HORMAD2: variants seen among roughly 807,000 people sequenced by gnomAD.
The protein encoded by HORMAD2 is HORMA domain-containing protein 2.
In HORMAD2, 45 loss-of-function variants were observed where a neutral mutation model predicts 38.8. The observed-to-expected ratio is 1.16, with a 90% CI of 0.91 to 1.49. The LOEUF is 1.49. HORMAD2 is among the 40% of genes most tolerant of loss of function. The pLI is 0.00. For missense variants in HORMAD2, 338 were observed against 367.0 expected (o/e 0.92, Z 0.65); for synonymous variants, 126 against 122.8 (o/e 1.03, Z -0.17).
intron 2 of HORMAD2, among the ~76,000 whole-genome samples, chr22:30,098,316 C>A (rs1016212528): frequency 6.6e-6 from 1 of 151,700 alleles, no homozygotes; most frequent in African/African-American, 2.4e-5. Flanking sequence ...AAGAGTAGAA[C>A]AACTGGAAAA....
At chr22:30,164,016 C>T (rs1033708367) in intron 10 of HORMAD2, among the ~76,000 whole-genome samples, 1 of 152,136 alleles carries the variant, frequency 6.6e-6, no homozygotes, top group East Asian at 1.9e-4. Flanking sequence ...AATTTGACTA[C>T]TCTATATACC....
intron 5 of HORMAD2, 95 bp from the exon 6 acceptor site, chr22:30,111,701 C>A: frequency 9.7e-7 from 1 of 1,029,836 alleles, no homozygotes. Context: ...TCTTTCGAAC[C>A]TCTCTGAAAT....
intron 4 of HORMAD2, among the ~76,000 whole-genome samples, chr22:30,104,162 A>G (rs1921015305): frequency 6.6e-6 from 1 of 152,208 alleles, no homozygotes; most frequent in South Asian, 2.1e-4. Context: ...GTGTCAGTGT[A>G]CTAAACATGG....
At chr22:30,169,218 C>G (rs188370674) in intron 10 of HORMAD2, among the ~76,000 whole-genome samples, 1 of 152,240 alleles carries the variant, frequency 6.6e-6, no homozygotes, top group Admixed American at 6.5e-5. Context: ...CTGCTGTACC[C>G]TATATATGAC....
At chr22:30,125,205 C>CTTTTTTTTTTTTTTTTTT (rs1569099710) in intron 10 of HORMAD2, among the ~76,000 whole-genome samples, 1 of 69,470 alleles carries the variant, frequency 1.4e-5, no homozygotes, top group African/African-American at 5.9e-5. Flanking sequence ...TTTTCACTTT[C>CTTTTTTTTTTTTTTTTTT]TTTTTCTTTT....
intron 10 of HORMAD2, among the ~76,000 whole-genome samples, chr22:30,156,824 A>G (rs16988333): frequency 0.078 from 11,896 of 152,250 alleles, 542 homozygotes; most frequent in African/African-American, 0.093. Flanking sequence ...TTGTCATCAA[A>G]GAGACTAAAC....
chr22:30,104,538 A>G, intron 5 of HORMAD2, 101 bp downstream of exon 5: 1 of 939,378 alleles, frequency 1.1e-6, no homozygotes, highest in South Asian at 1.6e-5. Flanking sequence ...TAACAGTATA[A>G]GTGTCTACGT....
chr22:30,155,752 A>C (rs1368420609), intron 10 of HORMAD2, among the ~76,000 whole-genome samples: 3 of 152,192 alleles, frequency 2.0e-5, no homozygotes. Flanking sequence ...TGTAGAATTC[A>C]TTCTAGCTTT....
chr22:30,085,099 T>C (rs1311650613), intron 1 of HORMAD2, among the ~76,000 whole-genome samples: 1 of 151,410 alleles, frequency 6.6e-6, no homozygotes, highest in Non-Finnish European at 1.5e-5. Flanking sequence ...TGAGCCGAGA[T>C]TGCGCCACTG....
the HORMAD2 span, among the ~76,000 whole-genome samples, chr22:30,204,023 A>T: frequency 6.6e-6 from 1 of 152,120 alleles, no homozygotes; most frequent in Admixed American, 6.5e-5. Context: ...CCTCACACCT[A>T]CATACCCCCC....
the HORMAD2 span, among the ~76,000 whole-genome samples, chr22:30,189,140 C>T: frequency 6.6e-6 from 1 of 151,280 alleles, no homozygotes; most frequent in African/African-American, 2.4e-5. Context: ...AACCCGAAAA[C>T]TAAGGTCAAA....
At chr22:30,094,770 G>A (rs190765307) in intron 2 of HORMAD2, among the ~76,000 whole-genome samples, 61 of 152,260 alleles carry the variant, frequency 4.0e-4, no homozygotes, top group African/African-American at 1.4e-3. Context: ...TTTGCGTAGA[G>A]GGGAGAGAAT....
At chr22:30,191,546 T>C in the HORMAD2 span, among the ~76,000 whole-genome samples, 1 of 152,144 alleles carries the variant, frequency 6.6e-6, no homozygotes, top group Non-Finnish European at 1.5e-5. Flanking sequence ...TAGAGCTAAC[T>C]TTTTCCTCTC....
At chr22:30,193,863 G>T in the HORMAD2 span, among the ~76,000 whole-genome samples, 6 of 152,100 alleles carry the variant, frequency 3.9e-5, no homozygotes, top group Non-Finnish European at 8.8e-5. Flanking sequence ...TGACAGCTGG[G>T]GCCCTTAAGA....
intron 10 of HORMAD2, among the ~76,000 whole-genome samples, chr22:30,167,314 C>A (rs189257483): frequency 6.6e-6 from 1 of 152,272 alleles, no homozygotes; most frequent in East Asian, 1.9e-4. Flanking sequence ...TGTAGAGACG[C>A]CCCCCTTTTA....
chr22:30,168,647 T>G (rs1384353375), intron 10 of HORMAD2, among the ~76,000 whole-genome samples: 1 of 152,190 alleles, frequency 6.6e-6, no homozygotes, highest in Non-Finnish European at 1.5e-5. Flanking sequence ...TTTCCTTTAC[T>G]ATACCTGTGC....
intron 5 of HORMAD2, among the ~76,000 whole-genome samples, chr22:30,107,965 T>C (rs1921328841): frequency 6.7e-6 from 1 of 149,088 alleles, no homozygotes; most frequent in African/African-American, 2.5e-5. Context: ...GCCTCCCGAG[T>C]TCAAGCAATT....
chr22:30,166,739 A>G (rs1409466950), intron 10 of HORMAD2, among the ~76,000 whole-genome samples: 1 of 152,254 alleles, frequency 6.6e-6, no homozygotes, highest in East Asian at 1.9e-4. Flanking sequence ...AATTACAAAA[A>G]TGTAGTGTGG....
intron 5 of HORMAD2, among the ~76,000 whole-genome samples, chr22:30,110,124 A>G (rs999745343): frequency 6.6e-6 from 1 of 152,168 alleles, no homozygotes; most frequent in Non-Finnish European, 1.5e-5. Flanking sequence ...TTTATATAGC[A>G]TTTACATGGT....
Sources: allele counts gnomAD v4.1 joint callset (sites outside exome capture counted in the v4.1 genomes callset), GRCh38; gene constraint gnomAD v4.1.1; transcripts MANE v1.5; gene names NCBI Gene and HGNC (gene_info 2026-07-23, HGNC 2026-07-21).